PLA2G1B: variants seen among roughly 807,000 people sequenced by gnomAD.
PLA2G1B encodes phospholipase A2 group IB.
PLA2G1B carries 12 observed loss-of-function variants against 12.5 expected under a neutral mutation model. That is an observed-to-expected ratio of 0.96 (90% CI 0.62 to 1.56). The LOEUF (loss-of-function observed/expected upper bound fraction) is 1.56. Ranked by LOEUF, PLA2G1B falls within the 40% of genes most tolerant of loss-of-function variation. PLA2G1B has a pLI of 0.00. For missense variants in PLA2G1B, 189 were observed against 186.7 expected, an observed-to-expected ratio of 1.01 and a Z score of -0.07; for synonymous variants, 81 against 73.4, an observed-to-expected ratio of 1.10 and a Z score of -0.53.
intron 2 of PLA2G1B, 132 bp downstream of exon 2, chr12:120,325,729 T>C: frequency 1.2e-6 from 1 of 851,120 alleles, no homozygotes; most frequent in Non-Finnish European, 1.8e-6. Context: ...ATTTGTTTAT[T>C]TGACAAGAGG....
chr12:120,322,234 C>T lies in PLA2G1B; in HGVS notation c.406G>A (p.Ala136Thr). Reference sequence around the variant, plus strand: ...TTCTTGGTGTCCAGGTTCTTGTGTGCCTTGTTATATGGAGCTTTTGAAAAG... The same window carrying T: ...TTCTTGGTGTCCAGGTTCTTGTGTGTCTTGTTATATGGAGCTTTTGAAAAG... The part of the protein sequence containing the change: ...ICFSKAPYNK[A>T]HKNLDTKKYC... Residue 136 changes from alanine to threonine, a missense_variant, in exon 4 of 4, where the codon GCA (alanine) becomes ACA (threonine). Coordinates refer to ENST00000308366, the MANE Select transcript of PLA2G1B (RefSeq NM_000928.3). 1 of 1,613,912 alleles carries T rather than the reference C, an allele frequency of 6.2e-7. No homozygotes were observed. The highest frequency in any genetic ancestry group is 8.5e-7 in the Non-Finnish European group (1 of 1,179,934).
rs1873331036 is a variant in PLA2G1B at position 120,325,841 on chromosome 12, CCTGCAGGCGGATCA to C, written c.194+6_194+19del. 1.2e-6 allele frequency: 2 copies of C among 1,611,908 alleles called. No homozygotes were observed. Among genetic ancestry groups the C allele is most frequent in the Admixed American group, 3.3e-5 (2 of 59,840 alleles). On this transcript the variant is annotated splice_donor_region_variant and intron_variant, in intron 2 of 3. Coordinates refer to ENST00000308366, the MANE Select transcript of PLA2G1B (RefSeq NM_000928.3). ...CGCCCCCGGCAGGCACTCCAATTTT[CCTGCAGGCGGATCA>C]CTTACTTGTCCAGTTCATCCACGGG...
At position 120,325,868 on chromosome 12, in the gene PLA2G1B, G is replaced by C; in HGVS notation, c.187C>G (p.Leu63Val). The C allele has an allele frequency of 6.2e-7, 1 of 1,613,860 alleles. No individual in the cohort carries two copies. The highest frequency in any genetic ancestry group is 2.2e-5 in the East Asian group (1 of 44,854). Reference protein sequence around the residue: ...LGGSGTPVDELDKCCQTHDNC... With the variant: ...LGGSGTPVDEVDKCCQTHDNC... ...TGCAGGCGGATCACTTACTTGTCCA[G>C]TTCATCCACGGGGGTGCCTGAGCCC... Residue 63 changes from leucine (L) to valine (V), a missense_variant, in exon 2 of 4, where the codon CTG (leucine) becomes GTG (valine). Transcript: ENST00000308366.
chr12:120,327,399 C>T (rs768087595), intron 1 of PLA2G1B, among the ~76,000 whole-genome samples: 20 of 152,148 alleles, frequency 1.3e-4, no homozygotes, highest in Non-Finnish European at 2.6e-4. Context: ...CACTTGAGCC[C>T]ACGAGTTGGA....
intron 3 of PLA2G1B, among the ~76,000 whole-genome samples, chr12:120,324,227 C>T (rs547329778): frequency 1.3e-4 from 19 of 151,944 alleles, no homozygotes; most frequent in Non-Finnish European, 2.2e-4. Flanking sequence ...GCAGGAGAAT[C>T]GCTTGAACCC....
At chr12:120,325,497 G>A (rs990091735) in intron 2 of PLA2G1B, among the ~76,000 whole-genome samples, 4 of 152,168 alleles carry the variant, frequency 2.6e-5, no homozygotes, top group African/African-American at 9.7e-5. Flanking sequence ...ACCGCGCCTG[G>A]CCTGAAAGCG....
chr12:120,325,167 T>C, intron 2 of PLA2G1B, 106 bp from the exon 3 acceptor site: 1 of 1,083,724 alleles, frequency 9.2e-7, no homozygotes, highest in Non-Finnish European at 1.4e-6. Context: ...GCCAAGATGC[T>C]TCAGGAGAAA....
chr12:120,322,218 TC>T lies in PLA2G1B; in HGVS notation c.421del (p.Asp141ThrfsTer33), dbSNP rs1873249125. On this transcript the variant is annotated frameshift_variant, in exon 4 of 4. Transcript: ENST00000308366. LOFTEE classifies it high-confidence loss of function. ...APYNKAHKNLDTKKYCQS is the reference protein window; with the variant it reads ...APYNKAHKNLXTKKYCQS ...TCAACTCTGACAATACTTCTTGGTGTCCAGGTTCTTGTGTGCCTTGTTATAT... is the reference window on the plus strand; with the variant it reads ...TCAACTCTGACAATACTTCTTGGTGTCAGGTTCTTGTGTGCCTTGTTATAT... 1 of 1,613,952 alleles carries T rather than the reference TC, an allele frequency of 6.2e-7. No homozygotes were observed. The highest frequency in any genetic ancestry group is 1.3e-5 in the African/African-American group (1 of 74,920).
chr12:120,327,435 A>G (rs1032405160), intron 1 of PLA2G1B, among the ~76,000 whole-genome samples: 2 of 152,236 alleles, frequency 1.3e-5, no homozygotes, highest in Non-Finnish European at 2.9e-5. Flanking sequence ...TGATCATGCC[A>G]CTGAACTCCA....
At chr12:120,322,511 T>A (rs142802952) in intron 3 of PLA2G1B, among the ~76,000 whole-genome samples, 194 bp from the exon 4 acceptor site, 143 of 152,308 alleles carry the variant, frequency 9.4e-4, no homozygotes, top group Admixed American at 1.6e-3. Context: ...AATGCAATAT[T>A]TGGGACATAT....
intron 2 of PLA2G1B, 40 bp downstream of exon 2, chr12:120,325,821 C>G: frequency 1.2e-6 from 2 of 1,606,344 alleles, no homozygotes; most frequent in Non-Finnish European, 1.7e-6. Context: ...CACCCCGCCC[C>G]CGGCAGGCAC....
At chr12:120,327,609 T>C in intron 1 of PLA2G1B, 111 bp downstream of exon 1, 2 of 1,055,360 alleles carry the variant, frequency 1.9e-6, no homozygotes, top group Non-Finnish European at 3.0e-6. Context: ...GAATTGAGAC[T>C]GCGGGGCTGG....
In PLA2G1B at chr12:120,325,989, C is replaced by G; in HGVS notation, c.66G>C (p.Arg22=). ...VAAADSGISP[R]AVWQFRKMIK... ...TCATTTTGCGGAACTGCCACACGGC[C>G]CGAGGGCTGATGCCGCTGTCGGCGG... The change falls in exon 2 of 4, where the codon CGG becomes CGC. Residue 22 remains arginine, a synonymous_variant. Transcript: ENST00000308366. 2 of 1,614,060 alleles carry G rather than the reference C, an allele frequency of 1.2e-6. No homozygotes were observed. The highest frequency in any genetic ancestry group is 1.7e-5 in the Admixed American group (1 of 59,996).
intron 1 of PLA2G1B, among the ~76,000 whole-genome samples, chr12:120,326,966 G>A (rs534920124): frequency 1.9e-4 from 29 of 150,094 alleles, no homozygotes; most frequent in Admixed American, 1.1e-3. Flanking sequence ...GCAAGACTCT[G>A]TCTCAATAAT....
chr12:120,323,845 G>A (rs552046893), intron 3 of PLA2G1B, among the ~76,000 whole-genome samples: 11 of 152,098 alleles, frequency 7.2e-5, no homozygotes, highest in Non-Finnish European at 1.6e-4. Flanking sequence ...ATAACAAGGT[G>A]ATAAGTGAAA....
chr12:120,322,295 G>A lies in PLA2G1B; in HGVS notation c.345C>T (p.Ala115=). 1 of 1,613,996 alleles carries A rather than the reference G, an allele frequency of 6.2e-7. No individual in the cohort carries two copies. Among genetic ancestry groups the A allele is most frequent in the East Asian group, 2.2e-5 (1 of 44,862 alleles). Residue 115 remains alanine (A), a synonymous_variant, in exon 4 of 4, where the codon GCC becomes GCT. Transcript: ENST00000308366. The part of the protein sequence containing the change: ...TCSSKNKECE[A]FICNCDRNAA... ...CGTTGCGGTCGCAGTTGCAAATGAA[G>A]GCCTCACACTCTTTGTTTTTGCCTG...
chr12:120,324,832 C>T lies in PLA2G1B; in HGVS notation c.322+102G>A, dbSNP rs1043481298. The T allele has an allele frequency of 4.8e-6, 6 of 1,257,076 alleles. No homozygotes were observed. In the Admixed American group the frequency reaches 5.3e-5, roughly 11 times the overall value. The allele number at this position is 1,257,076 out of a possible 1,614,324, so 77.9% of individuals were successfully genotyped here. On this transcript the variant is annotated intron_variant, in intron 3 of 3. Transcript: ENST00000308366. ...GGATTAAAGGAGACACTGCCCAGAA[C>T]CAAGAAAATTAACACTAAATCATGG...
intron 3 of PLA2G1B, among the ~76,000 whole-genome samples, chr12:120,323,787 C>G (rs1301783652): frequency 4.0e-5 from 6 of 150,592 alleles, no homozygotes; most frequent in African/African-American, 1.5e-4. Flanking sequence ...AAAATAGTAA[C>G]AATGAAAAAA....
chr12:120,324,447 C>T (rs1873296497), intron 3 of PLA2G1B, among the ~76,000 whole-genome samples: 1 of 152,242 alleles, frequency 6.6e-6, no homozygotes, highest in Non-Finnish European at 1.5e-5. Context: ...AGGAGGATTG[C>T]TTGAAGCCAG....
Sources: gnomAD v4.1 joint callset for allele counts (sites outside exome capture counted in the v4.1 genomes callset) on GRCh38, gnomAD v4.1.1 for gene constraint, MANE v1.5 for transcripts, NCBI Gene and HGNC (gene_info 2026-07-23, HGNC 2026-07-21) for gene names.